Variants in ABCA12 observed in about 807,000 individuals in gnomAD.
ABCA12 encodes glucosylceramide transporter ABCA12.
ABCA12 carries 156 observed loss-of-function variants against 293.5 expected under a neutral mutation model. That is an observed-to-expected ratio of 0.53 (90% CI 0.47 to 0.61). The LOEUF (loss-of-function observed/expected upper bound fraction) is 0.61, where lower values mean the gene tolerates loss of function less well. Among genes scored for constraint, ABCA12 ranks in the 20% least tolerant of loss-of-function variants. The pLI is 0.00. For synonymous variants in ABCA12, 1,063 were observed against 1,108.0 expected (o/e 0.96, Z 0.81); for missense variants, 2,797 against 3,090.2 (o/e 0.91, Z 2.25).
chr2:215,017,820 G>A, intron 14 of ABCA12, 188 bp downstream of exon 14: 1 of 686,742 alleles, frequency 1.5e-6, no homozygotes, highest in Admixed American at 2.8e-5. Flanking sequence ...GGGACACATA[G>A]TGATAAAATT....
intron 1 of ABCA12, among the ~76,000 whole-genome samples, chr2:215,137,322 A>G (rs986098283): frequency 2.0e-5 from 3 of 152,212 alleles, no homozygotes; most frequent in African/African-American, 7.2e-5. Flanking sequence ...TACTCATTCA[A>G]GGCTGGGAAT....
At chr2:214,933,607 C>T (rs1698129774) in intron 52 of ABCA12, among the ~76,000 whole-genome samples, 2 of 124,292 alleles carry the variant, frequency 1.6e-5, no homozygotes, top group Admixed American at 1.6e-4. Context: ...GTAATTAAGA[C>T]AGATGATGTA....
At chr2:214,945,449 C>T (rs1698553286) in intron 48 of ABCA12, among the ~76,000 whole-genome samples, 1 of 152,156 alleles carries the variant, frequency 6.6e-6, no homozygotes, top group African/African-American at 2.4e-5. Context: ...AACAAGATTA[C>T]CACCCTGTTC....
chr2:214,960,968 G>C (rs1031297599), intron 39 of ABCA12, among the ~76,000 whole-genome samples: 1 of 152,082 alleles, frequency 6.6e-6, no homozygotes, highest in Non-Finnish European at 1.5e-5. Context: ...TAGCATGTTA[G>C]AATTCAAAGA....
intron 14 of ABCA12, 103 bp downstream of exon 14, chr2:215,017,905 A>C: frequency 6.6e-7 from 1 of 1,514,884 alleles, no homozygotes; most frequent in Non-Finnish European, 9.1e-7. Context: ...TCACCAGATT[A>C]GCATGCAACT....
In ABCA12 at chr2:215,097,120, T is replaced by G. The variant is rs1171995302; in HGVS notation, c.163+14477A>C. ...GGTGTAGGAGTGAAAACTAACCTGG[T>G]ATAGAGGTTCAGAGAAAGTTCCCTG... On this transcript the variant is annotated intron_variant, in intron 2 of 52. Coordinates refer to ENST00000272895, the MANE Select transcript of ABCA12 (RefSeq NM_173076.3). Among the ~76,000 whole-genome samples, 3 of 152,136 alleles carry G rather than the reference T, an allele frequency of 2.0e-5. No homozygotes were observed. The East Asian group carries it at 5.8e-4, about 29-fold the overall frequency.
At chr2:215,046,043 AAAATGAGACTTTAACATT>A (rs1701195267) in intron 6 of ABCA12, 28 bp from the exon 7 acceptor site, 1 of 1,606,282 alleles carries the variant, frequency 6.2e-7, no homozygotes, top group Non-Finnish European at 8.5e-7. Context: ...CAAACAGAGC[AAAATGAGACTTTAACATT>A]TGTAATCACA....
chr2:215,007,027 C>T lies in ABCA12; in HGVS notation c.2592+700G>A, dbSNP rs545108944. On this transcript the variant is annotated intron_variant, in intron 19 of 52. Transcript: ENST00000272895. ...AGTAATTGGGATTACAGGCGCCCGCCACCACATCTGGCTAATTTTGTATTT... is the reference window on the plus strand; with the variant it reads ...AGTAATTGGGATTACAGGCGCCCGCTACCACATCTGGCTAATTTTGTATTT... 7.2e-5 allele frequency among the ~76,000 whole-genome samples: 11 copies of T among 152,104 alleles called. No homozygotes were observed. The South Asian group carries it at 2.1e-3, about 29-fold the overall frequency.
At chr2:214,955,071 G>T in intron 43 of ABCA12, 131 bp downstream of exon 43, 1 of 1,167,648 alleles carries the variant, frequency 8.6e-7, no homozygotes, top group Non-Finnish European at 1.2e-6. Context: ...AATTTTAAAA[G>T]CTGTAGTTTC....
intron 50 of ABCA12, among the ~76,000 whole-genome samples, chr2:214,942,300 G>A (rs1007031248): frequency 2.6e-5 from 4 of 152,038 alleles, no homozygotes; most frequent in Non-Finnish European, 4.4e-5. Flanking sequence ...CCTTATCTTG[G>A]TTAATGCTAT....
At chr2:215,134,340 A>ATGTATATG (rs1339701543) in intron 1 of ABCA12, among the ~76,000 whole-genome samples, 3 of 144,584 alleles carry the variant, frequency 2.1e-5, no homozygotes, top group Non-Finnish European at 4.5e-5. Flanking sequence ...GTACATATAT[A>ATGTATATG]TGTATATGTG....
In ABCA12 at chr2:215,027,061, T is replaced by C. The variant is rs912241572; in HGVS notation, c.1062-123A>G. 57 of 737,840 alleles carry C rather than the reference T, an allele frequency of 7.7e-5. No individual in the cohort carries two copies. The African/African-American group carries it at 8.8e-4, about 11-fold the overall frequency. 45.7% of individuals were successfully genotyped at this position (737,840 alleles called of 1,614,324 possible). On this transcript the variant is annotated intron_variant, in intron 9 of 52. Coordinates refer to ENST00000272895, the MANE Select transcript of ABCA12 (RefSeq NM_173076.3). The stretch of plus-strand genomic sequence containing the variant: ...ACTTGGACATTGAAATACTATGCAG[T>C]TGGCCGGGCGCGGTGGCTCACGCCT...
intron 2 of ABCA12, among the ~76,000 whole-genome samples, chr2:215,095,857 A>T (rs1275237217): frequency 6.6e-6 from 1 of 151,754 alleles, no homozygotes; most frequent in East Asian, 1.9e-4. Flanking sequence ...CAAAAGAACA[A>T]CCCCCTTTGA....
At position 215,011,602 on chromosome 2, in the gene ABCA12, G is replaced by A; in HGVS notation, c.2169C>T (p.Ser723=). The A allele has an allele frequency of 6.2e-7, 1 of 1,614,040 alleles. No homozygotes were observed. The highest frequency in any genetic ancestry group is 1.3e-5 in the African/African-American group (1 of 75,032). Residue 723 remains serine, a synonymous_variant, in exon 17 of 53, where the codon AGC becomes AGT. Coordinates refer to ENST00000272895, the MANE Select transcript of ABCA12 (RefSeq NM_173076.3). Reference sequence around the variant, plus strand: ...GAGAACATAATGCTTGGGAGATGGTGCTAAATGATCCTTGTGGTGTGTTCA... The same window carrying A: ...GAGAACATAATGCTTGGGAGATGGTACTAAATGATCCTTGTGGTGTGTTCA... ...NRMNTPQGSF[S]TISQALCSQG...
rs1364705778 is a variant in ABCA12, at chr2:214,978,789, A to T, written c.4977+15T>A. 6.2e-7 allele frequency: 1 copy of T among 1,610,658 alleles called. No homozygotes were observed. Among genetic ancestry groups the T allele is most frequent in the South Asian group, 1.1e-5 (1 of 90,970 alleles). On this transcript the variant is annotated intron_variant, in intron 32 of 52. Coordinates refer to ENST00000272895, the MANE Select transcript of ABCA12 (RefSeq NM_173076.3). ...TATATCAGCTTGAAGAAAAAAAAGA[A>T]ATATTGAGGTATACCTCCTCCACGG...
intron 24 of ABCA12, 39 bp from the exon 25 acceptor site, chr2:214,989,660 T>C: frequency 1.9e-6 from 3 of 1,605,364 alleles, no homozygotes; most frequent in Non-Finnish European, 2.6e-6. Flanking sequence ...TTCTTGTAGA[T>C]TTCATGTATT....
intron 26 of ABCA12, 59 bp from the exon 27 acceptor site, chr2:214,987,852 A>T: frequency 9.5e-6 from 15 of 1,584,238 alleles, no homozygotes; most frequent in Non-Finnish European, 1.3e-5. Context: ...ATTTATCATC[A>T]GAAACAAAAC....
At chr2:214,951,993 A>C (rs1283745430) in intron 44 of ABCA12, among the ~76,000 whole-genome samples, 1 of 151,972 alleles carries the variant, frequency 6.6e-6, no homozygotes, top group African/African-American at 2.4e-5. Context: ...CAATATTTTA[A>C]GGTTATCAGC....
chr2:215,119,202 C>T (rs1702749866), intron 1 of ABCA12, among the ~76,000 whole-genome samples: 1 of 152,148 alleles, frequency 6.6e-6, no homozygotes, highest in African/African-American at 2.4e-5. Flanking sequence ...AACTCTTGAC[C>T]TCAGGTGATC....
Sources: allele counts gnomAD v4.1 joint callset (sites outside exome capture counted in the v4.1 genomes callset), GRCh38; gene constraint gnomAD v4.1.1; transcripts MANE v1.5; gene names NCBI Gene and HGNC (gene_info 2026-07-23, HGNC 2026-07-21).